Variants in VTI1A observed in about 807,000 individuals in gnomAD.
VTI1A encodes the protein vesicle transport through interaction with t-SNAREs homolog 1A.
VTI1A carries 22 observed loss-of-function variants against 34.9 expected under a neutral mutation model. That is an observed-to-expected ratio of 0.63 (90% CI 0.45 to 0.90). The LOEUF is 0.90. Among genes scored for constraint, VTI1A ranks in the 40% least tolerant of loss-of-function variants. The pLI is 0.00. For synonymous variants in VTI1A, 87 were observed against 97.3 expected, an observed-to-expected ratio of 0.89 and a Z score of 0.62; for missense variants, 268 against 275.6, an observed-to-expected ratio of 0.97 and a Z score of 0.20.
intron 7 of VTI1A, among the ~76,000 whole-genome samples, chr10:112,713,672 A>G (rs992133422): frequency 3.3e-5 from 5 of 152,208 alleles, no homozygotes; most frequent in African/African-American, 1.2e-4. Flanking sequence ...GTAATTATAC[A>G]TAGTCAAAGA....
intron 7 of VTI1A, among the ~76,000 whole-genome samples, chr10:112,680,455 C>T (rs1848173119): frequency 6.6e-6 from 1 of 152,170 alleles, no homozygotes; most frequent in Admixed American, 6.5e-5. Context: ...TGGTTTTAGC[C>T]ACAGAAATCA....
chr10:112,774,483 T>A (rs1564920441), intron 7 of VTI1A, among the ~76,000 whole-genome samples: 1 of 152,132 alleles, frequency 6.6e-6, no homozygotes, highest in African/African-American at 2.4e-5. Flanking sequence ...GAACTCTGAG[T>A]CTGACAGCTC....
chr10:112,447,482 C>A lies in VTI1A; in HGVS notation c.94+15C>A. ...ACTCCCGCCTGGTGAGAGCCTTGCC[C>A]GGCTGGACGAGGGTGCTGGGGAGAG... On this transcript the variant is annotated intron_variant, in intron 1 of 7. Coordinates refer to ENST00000393077, the MANE Select transcript of VTI1A (RefSeq NM_145206.4). 1 of 1,612,006 alleles carries A rather than the reference C, an allele frequency of 6.2e-7. No individual in the cohort carries two copies. The highest frequency in any genetic ancestry group is 8.5e-7 in the Non-Finnish European group (1 of 1,179,378).
At chr10:112,519,524 C>T (rs185522279) in intron 3 of VTI1A, among the ~76,000 whole-genome samples, 2 of 152,070 alleles carry the variant, frequency 1.3e-5, no homozygotes, top group Non-Finnish European at 2.9e-5. Context: ...AGAAGGGTGA[C>T]CAGAAACAAA....
rs1195511784 is a variant in VTI1A, at chr10:112,514,461, T to C, written c.265-12626T>C. On this transcript the variant is annotated intron_variant, in intron 3 of 7. Transcript: ENST00000393077. Reference sequence around the variant, plus strand: ...TTCATAATATCAACTCTTGGTATCATTGATTTTTTTCTATTGTTTTTCTAG... The same window carrying C: ...TTCATAATATCAACTCTTGGTATCACTGATTTTTTTCTATTGTTTTTCTAG... 3.9e-5 allele frequency among the ~76,000 whole-genome samples: 6 copies of C among 151,904 alleles called. No individual in the cohort carries two copies. The East Asian group carries it at 1.2e-3, about 29-fold the overall frequency.
intron 7 of VTI1A, among the ~76,000 whole-genome samples, chr10:112,794,618 A>C (rs573587733): frequency 5.8e-4 from 89 of 152,238 alleles, no homozygotes; most frequent in African/African-American, 2.1e-3. Flanking sequence ...GCCTAGACAC[A>C]ATCATTATTT....
At chr10:112,592,856 G>C (rs1844444199) in intron 5 of VTI1A, among the ~76,000 whole-genome samples, 1 of 152,220 alleles carries the variant, frequency 6.6e-6, no homozygotes, top group South Asian at 2.1e-4. Flanking sequence ...AGTGAATCCT[G>C]TGGATAAACC....
intron 5 of VTI1A, among the ~76,000 whole-genome samples, chr10:112,659,597 T>G (rs1266012549): frequency 6.6e-6 from 1 of 152,206 alleles, no homozygotes. Context: ...GATGATTTTT[T>G]TAATTGCTTA....
intron 4 of VTI1A, chr10:112,533,670 A>G: frequency 2.0e-6 from 1 of 490,712 alleles, no homozygotes; most frequent in Non-Finnish European, 2.7e-6. Flanking sequence ...CATAGCAAAA[A>G]GTATCATTTA....
rs11196105 is a variant in VTI1A at position 112,781,426 on chromosome 10, C to T, written c.561-33864C>T. On this transcript the variant is annotated intron_variant, in intron 7 of 7. Coordinates refer to ENST00000393077, the MANE Select transcript of VTI1A (RefSeq NM_145206.4). ...AGAGCTAGGCCACACTCTTCCCAGG[C>T]GGCCCCCAGTCATTGACTAGGCACA... Among the ~76,000 whole-genome samples the T allele has an allele frequency of 6.5e-3, 995 of 152,306 alleles. 2 individuals are homozygous for T. Among genetic ancestry groups the T allele is most frequent in the Non-Finnish European group, 9.3e-3 (633 of 68,032 alleles).
chr10:112,612,810 A>G (rs1419768534), intron 5 of VTI1A, among the ~76,000 whole-genome samples: 1 of 152,234 alleles, frequency 6.6e-6, no homozygotes, highest in Non-Finnish European at 1.5e-5. Flanking sequence ...CAAAACATGT[A>G]AATAAAAGTT....
intron 7 of VTI1A, among the ~76,000 whole-genome samples, chr10:112,735,121 G>A (rs1850407179): frequency 2.0e-5 from 3 of 152,140 alleles, no homozygotes; most frequent in South Asian, 2.1e-4. Flanking sequence ...GTTTTAATTC[G>A]CAGAAAATGC....
At chr10:112,609,269 G>A (rs1384063288) in intron 5 of VTI1A, among the ~76,000 whole-genome samples, 4 of 152,128 alleles carry the variant, frequency 2.6e-5, no homozygotes, top group African/African-American at 9.7e-5. Flanking sequence ...CTCATTCTAA[G>A]AAAAGGAAGC....
rs371346491 is a variant in VTI1A at position 112,517,401 on chromosome 10, TTGAG to T, written c.265-9684_265-9681del. Among the ~76,000 whole-genome samples the T allele has an allele frequency of 1.8e-4, 27 of 152,158 alleles. No individual in the cohort carries two copies. In the East Asian group the frequency reaches 2.1e-3, roughly 12 times the overall value. ...ATGCCAGACTGATATAAATAGATGA[TTGAG>T]TAATGATTGAATAGACAAATCTCCT... On this transcript the variant is annotated intron_variant, in intron 3 of 7. Transcript: ENST00000393077.
chr10:112,681,957 A>G (rs1848232036), intron 7 of VTI1A, among the ~76,000 whole-genome samples: 1 of 152,188 alleles, frequency 6.6e-6, no homozygotes, highest in African/African-American at 2.4e-5. Flanking sequence ...GAATGGGCTT[A>G]TAGAAATTTA....
chr10:112,614,700 T>A (rs1845453076), intron 5 of VTI1A, among the ~76,000 whole-genome samples: 1 of 152,146 alleles, frequency 6.6e-6, no homozygotes, highest in African/African-American at 2.4e-5. Flanking sequence ...CCTGGTCAGT[T>A]GTGAAGTCAG....
Position 112,447,222 on chromosome 10 carries a change from C to A in VTI1A, c.-152C>A. 1 of 695,672 alleles carries A rather than the reference C, an allele frequency of 1.4e-6. No homozygotes were observed. The highest frequency in any genetic ancestry group is 2.3e-6 in the Non-Finnish European group (1 of 439,664). 43.1% of individuals were successfully genotyped at this position (695,672 alleles called of 1,614,324 possible). A position where few individuals can be genotyped will look rare whatever the true frequency, so the allele number is the denominator to read the frequency against. ...GAGAACCGAGATTGCGACGAACAAC[C>A]AGGAAGCGGCTGGGTTGAGAGCTGT... is the stretch of plus-strand genomic sequence containing the variant. On this transcript the variant is annotated 5_prime_UTR_variant, in exon 1 of 8. Coordinates refer to ENST00000393077, the MANE Select transcript of VTI1A (RefSeq NM_145206.4).
At chr10:112,701,334 C>T (rs1849003379) in intron 7 of VTI1A, among the ~76,000 whole-genome samples, 1 of 152,170 alleles carries the variant, frequency 6.6e-6, no homozygotes, top group East Asian at 1.9e-4. Context: ...TGGATGTAAG[C>T]AGGAATTAGC....
intron 7 of VTI1A, among the ~76,000 whole-genome samples, chr10:112,790,432 T>A (rs1852422589): frequency 6.6e-6 from 1 of 152,214 alleles, no homozygotes; most frequent in South Asian, 2.1e-4. Flanking sequence ...CTCTTTCATT[T>A]CCAGGATCTC....
Sources: gnomAD v4.1 joint callset for allele counts (sites outside exome capture counted in the v4.1 genomes callset) on GRCh38, gnomAD v4.1.1 for gene constraint, MANE v1.5 for transcripts, NCBI Gene and HGNC (gene_info 2026-07-23, HGNC 2026-07-21) for gene names.